Variants in CNOT3 observed in about 807,000 individuals in gnomAD.
CNOT3 encodes the protein CCR4-NOT transcription complex subunit 3.
Under a neutral mutation model 89.4 loss-of-function variants are expected in CNOT3, and 2 were observed. That is an observed-to-expected ratio of 0.02 (90% confidence interval 0.01 to 0.07). The LOEUF (loss-of-function observed/expected upper bound fraction) is 0.07, where lower values mean the gene tolerates loss of function less well. Among genes scored for constraint, CNOT3 ranks in the 10% least tolerant of loss-of-function variants. The pLI is 1.00. For missense variants in CNOT3, 664 were observed against 1,010.2 expected, an observed-to-expected ratio of 0.66 and a Z score of 4.65; for synonymous variants, 486 against 402.0, an observed-to-expected ratio of 1.21 and a Z score of -2.50.
rs1391010642 is a variant in CNOT3, at chr19:54,145,638, A to G, written c.524A>G (p.Lys175Arg). The change falls in exon 8 of 18, where the codon AAG becomes AGG. Residue 175 changes from lysine (K) to arginine (R), a missense_variant. By Grantham distance (26) the Lys-to-Arg change is conservative. This residue lies in a region of CNOT3 where 37 missense variants were observed against 79.5 expected (regional missense o/e 0.47). Transcript: ENST00000221232. This position sits in a 1 kb window ranked among gnomAD's most constrained non-coding sequence, Gnocchi z 5.9. ...GAGGGCTTGAAGCGGCACATCGAGA[A>G]GCACCGCTACCACGTGCGCATGCTA... is the stretch of plus-strand genomic sequence containing the variant. Reference protein sequence around the residue: ...RIEGLKRHIEKHRYHVRMLET... With the variant: ...RIEGLKRHIERHRYHVRMLET... The G allele has an allele frequency of 2.5e-6, 4 of 1,613,814 alleles. No individual in the cohort carries two copies. In the African/African-American group the frequency reaches 5.3e-5, roughly 22 times the overall value.
At chr19:54,150,047 A>G (rs1182299137) in intron 13 of CNOT3, among the ~76,000 whole-genome samples, 1 of 151,894 alleles carries the variant, frequency 6.6e-6, no homozygotes, top group Non-Finnish European at 1.5e-5. Flanking sequence ...CTGGGTCTCC[A>G]TCTTCATCCC....
At chr19:54,139,900 G>A (rs976454356) in intron 1 of CNOT3, among the ~76,000 whole-genome samples, 7 of 152,060 alleles carry the variant, frequency 4.6e-5, no homozygotes, top group Admixed American at 1.3e-4. Flanking sequence ...AGGCCCTAAC[G>A]CATCCTTCTT....
intron 1 of CNOT3, among the ~76,000 whole-genome samples, chr19:54,138,861 G>A (rs2074333005): frequency 6.6e-6 from 1 of 152,220 alleles, no homozygotes; most frequent in South Asian, 2.1e-4. Context: ...ACCGTCCTCA[G>A]TGTGGCCCAC....
chr19:54,149,067 T>C (rs1339780706), intron 12 of CNOT3, among the ~76,000 whole-genome samples: 2 of 152,250 alleles, frequency 1.3e-5, no homozygotes, highest in African/African-American at 4.8e-5. Flanking sequence ...GGGTCACTGT[T>C]TCACTTTTCA....
intron 17 of CNOT3, 26 bp from the exon 18 acceptor site, chr19:54,155,283 C>G: frequency 1.2e-6 from 2 of 1,611,572 alleles, no homozygotes; most frequent in Non-Finnish European, 1.7e-6. Flanking sequence ...CTCGTCCACT[C>G]ACTGACCGCC....
Position 54,148,571 on chromosome 19 carries a change from G to A in CNOT3, c.1282+36G>A, listed in dbSNP as rs1193134435. On this transcript the variant is annotated intron_variant, in intron 11 of 17. Coordinates refer to ENST00000221232, the MANE Select transcript of CNOT3 (RefSeq NM_014516.4). This position sits in a 1 kb window ranked among gnomAD's most constrained non-coding sequence, Gnocchi z 6.3. Reference sequence around the variant, plus strand: ...AGGCAGCGGGGTGGGGGGCGTGGGCGGGGCTGGGCAGCAGGCAGCAGCCCT... The same window carrying A: ...AGGCAGCGGGGTGGGGGGCGTGGGCAGGGCTGGGCAGCAGGCAGCAGCCCT... 12 of 1,587,710 alleles carry A rather than the reference G, an allele frequency of 7.6e-6. No homozygotes were observed. The highest frequency in any genetic ancestry group is 1.1e-5 in the South Asian group (1 of 88,478).
chr19:54,152,586 T>G lies in CNOT3; in HGVS notation c.1864T>G (p.Trp622Gly). 6.2e-7 allele frequency: 1 copy of G among 1,613,920 alleles called. No individual in the cohort carries two copies. Among genetic ancestry groups the G allele is most frequent in the Non-Finnish European group, 8.5e-7 (1 of 1,179,932 alleles). Residue 622 changes from tryptophan (W) to glycine (G), a missense_variant, in exon 15 of 18, where the codon TGG becomes GGG. Trp to Gly is a radical substitution (Grantham distance 184). Around this residue, in one of 8 missense-constraint regions of CNOT3, gnomAD observed 545 missense variants for 566.2 expected, o/e 0.96. Transcript: ENST00000221232. ...LYQQAMEEAA[W>G]HHMPHPSDSE... ...TCAGCAGGCCATGGAAGAGGCCGCC[T>G]GGCACCACATGCCTCACCCCTCTGA... is the stretch of plus-strand genomic sequence containing the variant.
intron 1 of CNOT3, among the ~76,000 whole-genome samples, chr19:54,138,342 C>T (rs1190728272): frequency 6.6e-6 from 1 of 152,174 alleles, no homozygotes; most frequent in Admixed American, 6.5e-5. Flanking sequence ...CGCGAGGTGC[C>T]CGCCCCTCTC....
chr19:54,138,591 C>T (rs1398456684), intron 1 of CNOT3, among the ~76,000 whole-genome samples: 3 of 152,198 alleles, frequency 2.0e-5, no homozygotes, highest in African/African-American at 7.2e-5. Context: ...CGCATCCCTC[C>T]TCACTGCTCC....
chr19:54,149,805 G>C, intron 13 of CNOT3, 47 bp downstream of exon 13: 1 of 1,524,964 alleles, frequency 6.6e-7, no homozygotes, highest in Non-Finnish European at 8.9e-7. Context: ...TGACTCTGTT[G>C]TTTCTTTCCT....
intron 1 of CNOT3, chr19:54,142,453 C>CACACACACACACACACA (rs1440264680): frequency 2.8e-4 from 63 of 222,522 alleles, no homozygotes; most frequent in South Asian, 7.2e-4. Context: ...CACACACACG[C>CACACACACACACACACA]CCTTCTCTGT....
At chr19:54,146,250 C>T (rs2074668014) in intron 9 of CNOT3, among the ~76,000 whole-genome samples, 1 of 152,184 alleles carries the variant, frequency 6.6e-6, no homozygotes, top group South Asian at 2.1e-4. Flanking sequence ...CATCCCGCGC[C>T]AGTTTAGGTC....
intron 17 of CNOT3, chr19:54,154,113 C>T: frequency 1.5e-6 from 1 of 668,736 alleles, no homozygotes; most frequent in Non-Finnish European, 2.8e-6. Flanking sequence ...CCCAGTGCCT[C>T]CCCTTTGCAG....
chr19:54,141,507 T>A (rs2074448242), intron 1 of CNOT3: 1 of 152,186 alleles, frequency 6.6e-6, no homozygotes, highest in South Asian at 2.1e-4. Context: ...AGTAACTAGT[T>A]AAAAATGAAA....
Position 54,145,867 on chromosome 19 carries a change from G to A in CNOT3, c.704-43G>A, listed in dbSNP as rs369073653. 46 of 1,611,204 alleles carry A rather than the reference G, an allele frequency of 2.9e-5. No individual in the cohort carries two copies. In the African/African-American group the frequency reaches 5.6e-4, roughly 20 times the overall value. Reference sequence around the variant, plus strand: ...CACAGGAAGTGAGGGCCCAGAATGGGCTGTGTGAGCCAGCTAAGCATGCCC... The same window carrying A: ...CACAGGAAGTGAGGGCCCAGAATGGACTGTGTGAGCCAGCTAAGCATGCCC... On this transcript the variant is annotated intron_variant, in intron 8 of 17. Transcript: ENST00000221232. The surrounding 1 kb of genome is among the most constrained non-coding windows in gnomAD (Gnocchi z 5.9).
chr19:54,148,104 G>T lies in CNOT3; in HGVS notation c.895-44G>T. ...GAGGTGGGGGTGGTGAGGGAGACCA[G>T]CTGGCCCACTGGGTCCTGACCCTCT... is the stretch of plus-strand genomic sequence containing the variant. On this transcript the variant is annotated intron_variant, in intron 10 of 17. Transcript: ENST00000221232. The surrounding 1 kb of genome is among the most constrained non-coding windows in gnomAD (Gnocchi z 6.3). 1 of 1,377,994 alleles carries T rather than the reference G, an allele frequency of 7.3e-7. No individual in the cohort carries two copies. The highest frequency in any genetic ancestry group is 9.5e-7 in the Non-Finnish European group (1 of 1,057,532). 85.4% of individuals were successfully genotyped at this position (1,377,994 alleles called of 1,614,324 possible). A position where few individuals can be genotyped will look rare whatever the true frequency, so the allele number is the denominator to read the frequency against.
Position 54,148,053 on chromosome 19 carries a change from A to T in CNOT3, c.895-95A>T. ...GGTGGGGGCAGCGAGGCCAGAGAGG[A>T]GGCTGCTGGGACAAAGATGGAGCCT... On this transcript the variant is annotated intron_variant, in intron 10 of 17. Transcript: ENST00000221232. This position sits in a 1 kb window ranked among gnomAD's most constrained non-coding sequence, Gnocchi z 6.3. 1 of 993,756 alleles carries T rather than the reference A, an allele frequency of 1.0e-6. No individual in the cohort carries two copies. Among genetic ancestry groups the T allele is most frequent in the Non-Finnish European group, 1.4e-6 (1 of 718,530 alleles). 61.6% of individuals were successfully genotyped at this position (993,756 alleles called of 1,614,324 possible).
chr19:54,144,401 C>A lies in CNOT3; in HGVS notation c.483+69C>A. ...GGGAATGGGCTGGCCAGCAGGAGGCCAGTCATTTATGCTCCTGGGAGTTGG... is the reference window on the plus strand; with the variant it reads ...GGGAATGGGCTGGCCAGCAGGAGGCAAGTCATTTATGCTCCTGGGAGTTGG... On this transcript the variant is annotated intron_variant, in intron 7 of 17. Transcript: ENST00000221232. The surrounding 1 kb of genome is among the most constrained non-coding windows in gnomAD (Gnocchi z 4.8). The A allele has an allele frequency of 1.7e-6, 2 of 1,171,144 alleles. No individual in the cohort carries two copies. The highest frequency in any genetic ancestry group is 2.5e-6 in the Non-Finnish European group (2 of 785,844). The allele number at this position is 1,171,144 out of a possible 1,614,324, so 72.5% of individuals were successfully genotyped here.
intron 15 of CNOT3, 60 bp from the exon 16 acceptor site, chr19:54,152,807 C>T (rs2075197829): frequency 1.1e-6 from 1 of 892,936 alleles, no homozygotes; most frequent in Non-Finnish European, 1.8e-6. Context: ...GTCTGAGCAC[C>T]CTTTTGATCA....
Sources: gnomAD v4.1 joint callset for allele counts (sites outside exome capture counted in the v4.1 genomes callset) on GRCh38, gnomAD v4.1.1 for gene constraint, gnomAD v4.1.1 regional missense constraint, Gnocchi (gnomAD v3.1) non-coding constraint, MANE v1.5 for transcripts, NCBI Gene and HGNC (gene_info 2026-07-23, HGNC 2026-07-21) for gene names.